The following SGCD variants were observed in gnomAD, a reference collection of about 807,000 sequenced individuals.
SGCD encodes the protein sarcoglycan delta.
Under a neutral mutation model 36.6 loss-of-function variants are expected in SGCD, and 18 were observed. The observed-to-expected ratio is 0.49, with a 90% confidence interval of 0.34 to 0.73. The LOEUF (loss-of-function observed/expected upper bound fraction) is 0.73, where lower values mean the gene tolerates loss of function less well. Among genes scored for constraint, SGCD ranks in the 30% least tolerant of loss-of-function variants. The probability of loss-of-function intolerance (pLI) is 0.01; values close to 1 mark genes in which losing one functional copy is unlikely to be tolerated. For synonymous variants in SGCD, 133 were observed against 130.6 expected (o/e 1.02, Z -0.12); for missense variants, 387 against 346.7 (o/e 1.12, Z -0.92).
intron 7 of SGCD, among the ~76,000 whole-genome samples, chr5:156,657,758 C>T (rs1429832165): frequency 4.7e-5 from 7 of 149,904 alleles, no homozygotes; most frequent in South Asian, 4.3e-4. Context: ...TAAGGTGGGA[C>T]GAGAGATTTG....
At chr5:156,675,442 T>C (rs562473613) in intron 7 of SGCD, among the ~76,000 whole-genome samples, 12 of 152,222 alleles carry the variant, frequency 7.9e-5, no homozygotes, top group Non-Finnish European at 1.6e-4. Context: ...TAGCCTATTT[T>C]GTACCAGTCC....
At chr5:156,239,965 T>C (rs1462766666) in intron 3 of SGCD, among the ~76,000 whole-genome samples, 2 of 152,174 alleles carry the variant, frequency 1.3e-5, no homozygotes. Context: ...AGATCAGTGA[T>C]TGTAATTTCA....
At chr5:156,168,755 T>G (rs78203868) in intron 3 of SGCD, among the ~76,000 whole-genome samples, 2,191 of 152,374 alleles carry the variant, frequency 0.014, 25 homozygotes, top group Non-Finnish European at 0.024. Context: ...TTAAGTGAAC[T>G]GCCAATTCAA....
intron 7 of SGCD, among the ~76,000 whole-genome samples, chr5:156,688,148 A>G (rs1753976005): frequency 6.6e-6 from 1 of 152,096 alleles, no homozygotes; most frequent in African/African-American, 2.4e-5. Flanking sequence ...TGTACTGATT[A>G]TTTGATCACC....
chr5:156,731,316 C>A (rs551870888), intron 7 of SGCD, among the ~76,000 whole-genome samples: 2 of 152,072 alleles, frequency 1.3e-5, no homozygotes, highest in East Asian at 3.9e-4. Context: ...TTTGCCCATG[C>A]CTATGTCCTG....
At chr5:155,970,271 T>G (rs1337400454) in intron 1 of SGCD, among the ~76,000 whole-genome samples, 1 of 152,154 alleles carries the variant, frequency 6.6e-6, no homozygotes, top group East Asian at 1.9e-4. Flanking sequence ...TCTCTCCTCC[T>G]GCTCTCTAGC....
rs565409697 is a variant in SGCD, at chr5:155,912,136, A to G, written c.-282+41712A>G. ...ACCTCCTTTGTTTCTGGAATTTCACAATGAATAAGTGACTTGTGTGCTCTT... is the reference window on the plus strand; with the variant it reads ...ACCTCCTTTGTTTCTGGAATTTCACGATGAATAAGTGACTTGTGTGCTCTT... On this transcript the variant is annotated intron_variant, in intron 1 of 9. Transcript: ENST00000517913. Among the ~76,000 whole-genome samples, 3 of 152,134 alleles carry G rather than the reference A, an allele frequency of 2.0e-5. No individual in the cohort carries two copies. The East Asian group carries it at 5.8e-4, about 30-fold the overall frequency.
chr5:156,501,672 A>G (rs1756460146), intron 3 of SGCD, among the ~76,000 whole-genome samples: 2 of 152,290 alleles, frequency 1.3e-5, no homozygotes, highest in Middle Eastern at 3.4e-3. Context: ...GAGACTCTAA[A>G]TTAGACTGAG....
At chr5:156,240,140 G>A (rs1303362544) in intron 3 of SGCD, among the ~76,000 whole-genome samples, 1 of 152,122 alleles carries the variant, frequency 6.6e-6, no homozygotes, top group Non-Finnish European at 1.5e-5. Context: ...TTTTTAACAT[G>A]GTAGAATTAT....
intron 7 of SGCD, among the ~76,000 whole-genome samples, chr5:156,753,231 C>T (rs557888236): frequency 2.0e-5 from 3 of 152,292 alleles, no homozygotes; most frequent in East Asian, 1.9e-4. Context: ...CAGCCTGGCC[C>T]GGCCCAGCTC....
intron 2 of SGCD, among the ~76,000 whole-genome samples, chr5:156,333,780 GTGATTTTT>G: frequency 2.6e-5 from 1 of 38,546 alleles, no homozygotes; most frequent in African/African-American, 1.1e-4. Context: ...TGTTAGAAAA[GTGATTTTT>G]TTTTTTTTTT....
At chr5:156,413,408 T>C (rs1772873204) in intron 3 of SGCD, among the ~76,000 whole-genome samples, 1 of 152,240 alleles carries the variant, frequency 6.6e-6, no homozygotes, top group Non-Finnish European at 1.5e-5. Flanking sequence ...CATACTACTT[T>C]AGACTATGAA....
chr5:156,185,301 G>A (rs980236993), intron 3 of SGCD, among the ~76,000 whole-genome samples: 9 of 144,300 alleles, frequency 6.2e-5, no homozygotes, highest in South Asian at 4.5e-4. Flanking sequence ...TGTAAGCTCC[G>A]CCTCCCGGGT....
At chr5:156,169,978 C>T (rs1019056657) in intron 3 of SGCD, among the ~76,000 whole-genome samples, 10 of 152,128 alleles carry the variant, frequency 6.6e-5, no homozygotes, top group Middle Eastern at 3.4e-3. Context: ...CGTGGTGTGA[C>T]GTGATCTGAT....
At chr5:155,961,399 T>G (rs1757787232) in intron 1 of SGCD, among the ~76,000 whole-genome samples, 1 of 152,132 alleles carries the variant, frequency 6.6e-6, no homozygotes, top group South Asian at 2.1e-4. Context: ...GTAGCTTCAA[T>G]TTTTATATTT....
In SGCD at chr5:156,054,502, G is replaced by T. The variant is rs528061525; in HGVS notation, c.-281-63376G>T. On this transcript the variant is annotated intron_variant, in intron 1 of 9. Coordinates refer to the SGCD transcript ENST00000517913. Reference sequence around the variant, plus strand: ...GCGTTTCACCGTGTTAGCCAGGATGGTCTCAATCTCCTGACCTCGTGATCC... The same window carrying T: ...GCGTTTCACCGTGTTAGCCAGGATGTTCTCAATCTCCTGACCTCGTGATCC... Among the ~76,000 whole-genome samples the T allele has an allele frequency of 1.8e-4, 26 of 145,564 alleles. 4 individuals are homozygous for T. The highest frequency in any genetic ancestry group is 5.9e-4 in the African/African-American group (24 of 40,564).
chr5:155,750,416 G>A, the SGCD span, among the ~76,000 whole-genome samples: 21 of 152,196 alleles, frequency 1.4e-4, no homozygotes, highest in South Asian at 1.9e-3. Context: ...TGCATATTCC[G>A]TATATAATTT....
chr5:156,229,297 T>TATATATATATAA, intron 3 of SGCD, among the ~76,000 whole-genome samples: 2 of 119,864 alleles, frequency 1.7e-5, no homozygotes, highest in African/African-American at 6.4e-5. Flanking sequence ...TATATATATA[T>TATATATATATAA]ATAAAATTAG....
At chr5:156,677,409 G>A (rs762907975) in intron 7 of SGCD, among the ~76,000 whole-genome samples, 11 of 151,932 alleles carry the variant, frequency 7.2e-5, no homozygotes, top group South Asian at 2.1e-4. Flanking sequence ...GAAAACTATC[G>A]CAAGGACAGA....
Sources: allele counts gnomAD v4.1 joint callset (sites outside exome capture counted in the v4.1 genomes callset), GRCh38; gene constraint gnomAD v4.1.1; transcripts MANE v1.5; gene names NCBI Gene and HGNC (gene_info 2026-07-23, HGNC 2026-07-21).